Variants in LRMDA observed in about 807,000 individuals in gnomAD.
LRMDA encodes leucine rich melanocyte differentiation associated, also known as leucine-rich melanocyte differentiation-associated protein.
LRMDA carries 18 observed loss-of-function variants against 29.8 expected under a neutral mutation model. The observed-to-expected ratio is 0.60, with a 90% CI of 0.42 to 0.90. The LOEUF (loss-of-function observed/expected upper bound fraction) is 0.90. Ranked by LOEUF, LRMDA falls within the 40% of genes least tolerant of loss-of-function variation. The pLI is 0.00. For synonymous variants in LRMDA, 125 were observed against 109.4 expected (o/e 1.14, Z -0.89); for missense variants, 273 against 273.9 (o/e 1.00, Z 0.02).
intron 2 of LRMDA, among the ~76,000 whole-genome samples, chr10:75,852,113 T>C (rs1033252775): frequency 6.6e-6 from 1 of 152,148 alleles, no homozygotes; most frequent in Non-Finnish European, 1.5e-5. Context: ...TGGTTTGCTA[T>C]GGCAGGATCC....
At chr10:76,385,813 A>G (rs1471363325) in intron 6 of LRMDA, among the ~76,000 whole-genome samples, 3 of 152,138 alleles carry the variant, frequency 2.0e-5, no homozygotes, top group Admixed American at 1.3e-4. Flanking sequence ...ATGTGTATGC[A>G]TCTTGTTTTC....
At chr10:75,608,230 A>G (rs1840983971) in intron 2 of LRMDA, among the ~76,000 whole-genome samples, 1 of 151,766 alleles carries the variant, frequency 6.6e-6, no homozygotes, top group South Asian at 2.1e-4. Context: ...GACATAAACC[A>G]GACTTAGAAG....
intron 2 of LRMDA, among the ~76,000 whole-genome samples, chr10:75,798,497 C>T (rs902990310): frequency 2.0e-5 from 3 of 151,878 alleles, no homozygotes; most frequent in Non-Finnish European, 2.9e-5. Flanking sequence ...ATTTTTATTT[C>T]ATTGATTTTT....
intron 5 of LRMDA, among the ~76,000 whole-genome samples, chr10:76,260,107 C>T (rs1382795068): frequency 6.6e-6 from 1 of 151,946 alleles, no homozygotes; most frequent in Non-Finnish European, 1.5e-5. Context: ...TGAGGACTTA[C>T]TCTTGTCATT....
chr10:76,412,026 A>C (rs1385004314), intron 6 of LRMDA, among the ~76,000 whole-genome samples: 5 of 152,212 alleles, frequency 3.3e-5, no homozygotes, highest in African/African-American at 1.2e-4. Context: ...TCTGTTTGCC[A>C]ATGGTTTAGT....
chr10:75,483,409 C>T lies in LRMDA; in HGVS notation c.131+44915C>T, dbSNP rs532094365. On this transcript the variant is annotated intron_variant, in intron 2 of 6. Transcript: ENST00000611255. ...TTTTGGCTGAGTTGACAAAAATACCCATAGAATTTAATATCTCTGTCTTGA... is the reference window on the plus strand; with the variant it reads ...TTTTGGCTGAGTTGACAAAAATACCTATAGAATTTAATATCTCTGTCTTGA... Among the ~76,000 whole-genome samples the T allele has an allele frequency of 7.9e-5, 12 of 152,226 alleles. No homozygotes were observed. The East Asian group carries it at 2.1e-3, about 27-fold the overall frequency.
chr10:75,898,280 A>T (rs1018896703), intron 2 of LRMDA, among the ~76,000 whole-genome samples: 1 of 152,236 alleles, frequency 6.6e-6, no homozygotes, highest in African/African-American at 2.4e-5. Flanking sequence ...GAAGAACCTT[A>T]GGGATTCTCA....
At chr10:76,050,477 C>T (rs1203940995) in intron 4 of LRMDA, among the ~76,000 whole-genome samples, 1 of 152,218 alleles carries the variant, frequency 6.6e-6, no homozygotes, top group Non-Finnish European at 1.5e-5. Flanking sequence ...CCTGGGGTTT[C>T]TCTTTGCCAT....
At chr10:76,278,537 C>T (rs1394132582) in intron 5 of LRMDA, among the ~76,000 whole-genome samples, 1 of 152,202 alleles carries the variant, frequency 6.6e-6, no homozygotes, top group Non-Finnish European at 1.5e-5. Flanking sequence ...CCTTGACACT[C>T]TGGCAGCAGT....
At chr10:75,807,140 C>T (rs975537169) in intron 2 of LRMDA, among the ~76,000 whole-genome samples, 1 of 152,260 alleles carries the variant, frequency 6.6e-6, no homozygotes. Context: ...AGCTGGAGGT[C>T]GGTCCTGTTG....
intron 2 of LRMDA, among the ~76,000 whole-genome samples, chr10:75,791,180 C>T (rs185450806): frequency 2.6e-5 from 4 of 152,166 alleles, no homozygotes; most frequent in Admixed American, 6.5e-5. Flanking sequence ...AAAATCATAC[C>T]GTCCTGTAGC....
At chr10:76,102,440 G>A (rs904852568) in intron 5 of LRMDA, among the ~76,000 whole-genome samples, 7 of 152,000 alleles carry the variant, frequency 4.6e-5, no homozygotes, top group Non-Finnish European at 8.8e-5. Flanking sequence ...TAGTGTTTGC[G>A]AATTCTCATT....
At chr10:75,730,849 T>C (rs1842688364) in intron 2 of LRMDA, among the ~76,000 whole-genome samples, 1 of 152,132 alleles carries the variant, frequency 6.6e-6, no homozygotes, top group Non-Finnish European at 1.5e-5. Flanking sequence ...TAAAATTAAA[T>C]ATATAGGAAA....
chr10:75,509,644 G>A (rs967789215), intron 2 of LRMDA, among the ~76,000 whole-genome samples: 2 of 152,192 alleles, frequency 1.3e-5, no homozygotes, highest in Non-Finnish European at 2.9e-5. Context: ...TAGCATCCAT[G>A]TTTCTATTTG....
chr10:75,871,822 C>T (rs2132332753), intron 2 of LRMDA, among the ~76,000 whole-genome samples: 2 of 152,322 alleles, frequency 1.3e-5, no homozygotes, highest in African/African-American at 4.8e-5. Context: ...CTCACCTTTA[C>T]CCTTTGTTTT....
chr10:75,606,478 T>C (rs148498466), intron 2 of LRMDA, among the ~76,000 whole-genome samples: 4 of 152,348 alleles, frequency 2.6e-5, no homozygotes, highest in African/African-American at 9.6e-5. Flanking sequence ...CAGTTTCTAG[T>C]TAAGGGCAGA....
intron 2 of LRMDA, among the ~76,000 whole-genome samples, chr10:75,676,999 G>A (rs1057260419): frequency 6.6e-6 from 1 of 152,120 alleles, no homozygotes; most frequent in African/African-American, 2.4e-5. Flanking sequence ...TGGCATTAAA[G>A]CCACTAATAA....
At chr10:75,435,589 T>C (rs935130640) in intron 1 of LRMDA, among the ~76,000 whole-genome samples, 3 of 152,204 alleles carry the variant, frequency 2.0e-5, no homozygotes, top group Admixed American at 6.5e-5. Flanking sequence ...GGTCTTCACA[T>C]TTGAGAACAG....
intron 2 of LRMDA, among the ~76,000 whole-genome samples, chr10:75,896,784 T>C (rs1845589465): frequency 6.6e-6 from 1 of 152,030 alleles, no homozygotes; most frequent in Non-Finnish European, 1.5e-5. Flanking sequence ...TACTGAGGCA[T>C]GGACCTTGTT....
Sources: allele counts gnomAD v4.1 joint callset (sites outside exome capture counted in the v4.1 genomes callset), GRCh38; gene constraint gnomAD v4.1.1; transcripts MANE v1.5; gene names NCBI Gene and HGNC (gene_info 2026-07-23, HGNC 2026-07-21).